UBA3: variants seen among roughly 807,000 people sequenced by gnomAD.
UBA3 encodes ubiquitin like modifier activating enzyme 3, also known as NEDD8-activating enzyme E1 catalytic subunit.
In UBA3, 26 loss-of-function variants were observed where a neutral mutation model predicts 73.5. That is an observed-to-expected ratio of 0.35 (90% CI 0.26 to 0.49). UBA3 has a LOEUF of 0.49. UBA3 is among the 20% of genes least tolerant of loss of function. The pLI is 0.98. For synonymous variants in UBA3, 217 were observed against 191.2 expected (o/e 1.13, Z -1.11); for missense variants, 495 against 555.6 (o/e 0.89, Z 1.10).
chr3:69,065,570 A>G (rs1366329843), intron 6 of UBA3, among the ~76,000 whole-genome samples: 1 of 152,134 alleles, frequency 6.6e-6, no homozygotes, highest in Non-Finnish European at 1.5e-5. Context: ...AGCCTCCCAC[A>G]TAGCTGGGAC....
rs543796404 is a variant in UBA3, at chr3:69,079,886, C to A, written c.62+226G>T. 53 of 516,654 alleles carry A rather than the reference C, an allele frequency of 1.0e-4. No individual in the cohort carries two copies. In the Admixed American group the frequency reaches 1.2e-3, roughly 11 times the overall value. The allele number at this position is 516,654 out of a possible 1,614,324, so 32.0% of individuals were successfully genotyped here. A position where few individuals can be genotyped will look rare whatever the true frequency, so the allele number is the denominator to read the frequency against. On this transcript the variant is annotated intron_variant, in intron 2 of 17. Coordinates refer to ENST00000361055, the MANE Select transcript of UBA3 (RefSeq NM_003968.4). The stretch of plus-strand genomic sequence containing the variant: ...GCACCCCGGAGGGCCCCTGCAGGAG[C>A]TGGGGCAGTACAGCCTGGCCCCGAC...
At position 69,080,361 on chromosome 3, in the gene UBA3, T is replaced by G. The variant is rs2092210532; in HGVS notation, c.-8A>C. On this transcript the variant is annotated 5_prime_UTR_variant, in exon 1 of 18. Transcript: ENST00000361055. Reference sequence around the variant, plus strand: ...CTCCTCGCCATCCGCCATATTGTTCTCCGCCTCTTCCCAGGTGCCCACGCG... The same window carrying G: ...CTCCTCGCCATCCGCCATATTGTTCGCCGCCTCTTCCCAGGTGCCCACGCG... The G allele has an allele frequency of 1.9e-6, 3 of 1,596,886 alleles. No individual in the cohort carries two copies. The highest frequency in any genetic ancestry group is 2.6e-6 in the Non-Finnish European group (3 of 1,174,078).
chr3:69,056,203 A>G lies in UBA3; in HGVS notation c.1164T>C (p.Tyr388=). Reference sequence around the variant, plus strand: ...CTTACAGAGAAGCACTATTGGTTAGATAATCCAAAACCTCCTGTAGTTTAG... The same window carrying G: ...CTTACAGAGAAGCACTATTGGTTAGGTAATCCAAAACCTCCTGTAGTTTAG... ...PSAKLQEVLD[Y]LTNSASLQMK... The change falls in exon 15 of 18, where the codon TAT becomes TAC. Residue 388 remains tyrosine (Y), a synonymous_variant. Transcript: ENST00000361055. The G allele has an allele frequency of 6.3e-7, 1 of 1,595,488 alleles. No homozygotes were observed. The highest frequency in any genetic ancestry group is 8.5e-7 in the Non-Finnish European group (1 of 1,174,858).
At chr3:69,063,963 A>G (rs778303507) in intron 7 of UBA3, 105 bp downstream of exon 7, 17 of 959,384 alleles carry the variant, frequency 1.8e-5, no homozygotes, top group Non-Finnish European at 2.7e-5. Context: ...TGAGAGAGGA[A>G]AGCAAGTGAA....
intron 2 of UBA3, 130 bp downstream of exon 2, chr3:69,079,982 A>C: frequency 2.5e-6 from 2 of 795,596 alleles, no homozygotes; most frequent in Non-Finnish European, 3.9e-6. Context: ...TCAGGGGATG[A>C]GGCAGCGCGG....
At chr3:69,070,654 GTT>G (rs2092113943) in intron 5 of UBA3, among the ~76,000 whole-genome samples, 1 of 152,020 alleles carries the variant, frequency 6.6e-6, no homozygotes, top group Admixed American at 6.5e-5. Context: ...TTTTTGGGTT[GTT>G]TTGTTTTTGT....
intron 5 of UBA3, among the ~76,000 whole-genome samples, chr3:69,069,509 T>C (rs532987629): frequency 6.6e-6 from 1 of 152,200 alleles, no homozygotes; most frequent in East Asian, 1.9e-4. Flanking sequence ...GTATTTTTAG[T>C]AGACACAGGG....
In UBA3 at chr3:69,057,241, C is replaced by A; in HGVS notation, c.964+15G>T. On this transcript the variant is annotated intron_variant, in intron 12 of 17. Coordinates refer to ENST00000361055, the MANE Select transcript of UBA3 (RefSeq NM_003968.4). ...GAAAGCAAAATAAACTAAGTGATGG[C>A]CTTTTCTTCCTCACCTGCAATGACT... 1.2e-6 allele frequency: 2 copies of A among 1,605,182 alleles called. No individual in the cohort carries two copies. Among genetic ancestry groups the A allele is most frequent in the Non-Finnish European group, 1.7e-6 (2 of 1,177,840 alleles).
chr3:69,057,427 G>A, intron 11 of UBA3, 118 bp from the exon 12 acceptor site: 1 of 866,198 alleles, frequency 1.2e-6, no homozygotes, highest in Non-Finnish European at 1.8e-6. Flanking sequence ...AGACTTTCAA[G>A]CCAGAAAATA....
In UBA3 at chr3:69,075,460, G is replaced by A. The variant is rs144285335; in HGVS notation, c.234C>T (p.Gly78=). 342 of 1,561,986 alleles carry A rather than the reference G, an allele frequency of 2.2e-4. No homozygotes were observed. The highest frequency in any genetic ancestry group is 2.7e-4 in the Non-Finnish European group (317 of 1,156,316). The change falls in exon 4 of 18, where the codon GGC becomes GGT. Residue 78 remains glycine, a synonymous_variant. Coordinates refer to ENST00000361055, the MANE Select transcript of UBA3 (RefSeq NM_003968.4). ...DTCKVLVIGA[G]GLGCELLKNL... is the part of the protein sequence containing the mutation. The stretch of plus-strand genomic sequence containing the variant: ...TTTTCAGGAGCTCACATCCTAAGCC[G>A]CCAGCTCCAATGACTAGAACTTTAC...
intron 9 of UBA3, 24 bp downstream of exon 9, chr3:69,062,958 A>C: frequency 6.2e-7 from 1 of 1,612,304 alleles, no homozygotes; most frequent in Non-Finnish European, 8.5e-7. Context: ...ACTATAAAAG[A>C]AATGCAGGTG....
intron 3 of UBA3, chr3:69,077,458 TTAAG>T (rs146661640): frequency 0.013 from 2,097 of 161,604 alleles, 29 homozygotes; most frequent in Middle Eastern, 0.024. Flanking sequence ...ATTTCAAAAT[TTAAG>T]TAAGCACACC....
At chr3:69,080,202 G>A in intron 1 of UBA3, 49 bp from the exon 2 acceptor site, 1 of 1,437,342 alleles carries the variant, frequency 7.0e-7, no homozygotes, top group Non-Finnish European at 9.7e-7. Context: ...CACACTGGGC[G>A]CCGCGAGGGG....
chr3:69,060,969 C>G (rs2092016351), intron 11 of UBA3, among the ~76,000 whole-genome samples: 1 of 152,238 alleles, frequency 6.6e-6, no homozygotes, highest in Non-Finnish European at 1.5e-5. Context: ...CCTGCAGAAC[C>G]ATGAGCCAAA....
intron 6 of UBA3, among the ~76,000 whole-genome samples, chr3:69,065,814 C>CT (rs528732611): frequency 2.6e-3 from 377 of 145,018 alleles, no homozygotes; most frequent in African/African-American, 8.6e-3. Context: ...TTGAGACTGG[C>CT]TTTTTTTTTT....
intron 2 of UBA3, among the ~76,000 whole-genome samples, chr3:69,079,338 C>T (rs754311141): frequency 6.6e-6 from 1 of 152,174 alleles, no homozygotes; most frequent in Non-Finnish European, 1.5e-5. Context: ...CATCCCGGTC[C>T]TCTTGCAGCT....
chr3:69,080,210 G>T, intron 1 of UBA3, 57 bp from the exon 2 acceptor site: 1 of 1,568,672 alleles, frequency 6.4e-7, no homozygotes, highest in East Asian at 2.3e-5. Flanking sequence ...GCGCCGCGAG[G>T]GGAGGGGGGC....
At position 69,057,036 on chromosome 3, in the gene UBA3, G is replaced by A. The variant is rs1866262; in HGVS notation, c.964+220C>T. On this transcript the variant is annotated intron_variant, in intron 12 of 17. Transcript: ENST00000361055. ...TTCTTGTTTATCAGATTAATAAATGGCCTGCTTCATATGGAACTAAAACGT... is the reference window on the plus strand; with the variant it reads ...TTCTTGTTTATCAGATTAATAAATGACCTGCTTCATATGGAACTAAAACGT... Among the ~76,000 whole-genome samples, 48,586 of 151,982 alleles carry A rather than the reference G, an allele frequency of 0.32. 8,225 individuals carry two copies. Among genetic ancestry groups the A allele is most frequent in the East Asian group, 0.43 (2,232 of 5,166 alleles).
intron 3 of UBA3, 180 bp downstream of exon 3, chr3:69,077,618 A>T (rs1243436499): frequency 8.0e-6 from 5 of 627,112 alleles, no homozygotes; most frequent in African/African-American, 7.6e-5. Context: ...AAATGTTAAG[A>T]CTCAAATATT....
Sources: gnomAD v4.1 joint callset for allele counts (sites outside exome capture counted in the v4.1 genomes callset) on GRCh38, gnomAD v4.1.1 for gene constraint, MANE v1.5 for transcripts, NCBI Gene and HGNC (gene_info 2026-07-23, HGNC 2026-07-21) for gene names.